The following GAREM1 variants were observed in gnomAD, a reference collection of about 807,000 sequenced individuals.
GAREM1 encodes GRB2-associated and regulator of MAPK protein 1.
Under a neutral mutation model 71.3 loss-of-function variants are expected in GAREM1, and 26 were observed. The observed-to-expected ratio is 0.36, with a 90% CI of 0.27 to 0.51. GAREM1 has a LOEUF of 0.51. Ranked by LOEUF, GAREM1 falls within the 20% of genes least tolerant of loss-of-function variation. The pLI, the probability that GAREM1 is intolerant of heterozygous loss-of-function variation, is 0.95. For missense variants in GAREM1, 1,026 were observed against 1,103.1 expected (o/e 0.93, Z 0.99); for synonymous variants, 440 against 433.2 (o/e 1.02, Z -0.20).
intron 1 of GAREM1, among the ~76,000 whole-genome samples, chr18:32,418,908 A>AT (rs1568004106): frequency 6.6e-6 from 1 of 152,236 alleles, no homozygotes; most frequent in Non-Finnish European, 1.5e-5. Context: ...AAGTTACCAC[A>AT]AACTTAGCAG....
chr18:32,268,804 A>T (rs757498606), intron 5 of GAREM1, 36 bp from the exon 6 acceptor site: 9 of 1,571,480 alleles, frequency 5.7e-6, no homozygotes, highest in Middle Eastern at 2.1e-4. Flanking sequence ...ATCAGTTAAA[A>T]GAAAAAAGCC....
intron 3 of GAREM1, among the ~76,000 whole-genome samples, chr18:32,295,206 A>G (rs940858062): frequency 6.6e-6 from 1 of 152,112 alleles, no homozygotes; most frequent in Non-Finnish European, 1.5e-5. Context: ...CTGTGATTAC[A>G]GGAGTGAGCC....
chr18:32,290,207 CCTTT>C (rs930510771), intron 3 of GAREM1: 2 of 151,806 alleles, frequency 1.3e-5, no homozygotes, highest in African/African-American at 4.8e-5. Context: ...ATCTTAGCGA[CCTTT>C]CTATTTTCCC....
chr18:32,470,345 G>A lies in GAREM1; in HGVS notation c.84C>T (p.Ser28=). Residue 28 remains serine, a synonymous_variant, in exon 1 of 6, where the codon AGC becomes AGT. Coordinates refer to ENST00000269209, the MANE Select transcript of GAREM1 (RefSeq NM_001242409.2). This position sits in a 1 kb window ranked among gnomAD's most constrained non-coding sequence, Gnocchi z 4.4. ...GCGCGATCTGGGGCAGCCGGTAAGT[G>A]CTGACCAGGAGGTCGAGCGGCACGG... ...SVAVPLDLLV[S]TYRLPQIARL... The A allele has an allele frequency of 6.4e-7, 1 of 1,568,418 alleles. No homozygotes were observed. The highest frequency in any genetic ancestry group is 8.6e-7 in the Non-Finnish European group (1 of 1,159,640).
chr18:32,375,336 A>G (rs1039232079), intron 2 of GAREM1, among the ~76,000 whole-genome samples: 4 of 152,194 alleles, frequency 2.6e-5, no homozygotes, highest in Non-Finnish European at 5.9e-5. Context: ...GCAATTCTAA[A>G]TATTGGTGAG....
intron 4 of GAREM1, among the ~76,000 whole-genome samples, chr18:32,280,740 C>T (rs77563772): frequency 0.02 from 2,987 of 152,282 alleles, 99 homozygotes; most frequent in African/African-American, 0.06. Flanking sequence ...TTAAAACCAA[C>T]TGTGTGTTTT....
intron 2 of GAREM1, among the ~76,000 whole-genome samples, chr18:32,360,036 A>G (rs1003716725): frequency 2.0e-5 from 3 of 152,048 alleles, no homozygotes; most frequent in Non-Finnish European, 2.9e-5. Flanking sequence ...TGGGACATCT[A>G]TTACTTAAAT....
At chr18:32,413,272 T>C in intron 1 of GAREM1, 2 of 1,459,462 alleles carry the variant, frequency 1.4e-6, no homozygotes, top group Non-Finnish European at 1.9e-6. Context: ...TTTGACAGTT[T>C]GGGGGAGTCA....
intron 2 of GAREM1, among the ~76,000 whole-genome samples, chr18:32,369,155 G>C (rs2047953472): frequency 6.6e-6 from 1 of 152,210 alleles, no homozygotes. Context: ...GTGAGTGAAA[G>C]GCAAAGCTAA....
At chr18:32,412,788 T>C (rs1235668525) in intron 1 of GAREM1, 1 of 1,044,260 alleles carries the variant, frequency 9.6e-7, no homozygotes, top group Non-Finnish European at 1.5e-6. Context: ...CACTTCAATT[T>C]TTCCATACTG....
chr18:32,460,098 A>G (rs933590675), intron 1 of GAREM1, among the ~76,000 whole-genome samples: 1 of 150,638 alleles, frequency 6.6e-6, no homozygotes, highest in African/African-American at 2.5e-5. Flanking sequence ...GATAATTGAG[A>G]AAACTGTCAT....
chr18:32,346,826 T>G (rs1209856266), intron 2 of GAREM1, among the ~76,000 whole-genome samples: 1 of 152,174 alleles, frequency 6.6e-6, no homozygotes, highest in Admixed American at 6.5e-5. Flanking sequence ...AAAGTAGAGT[T>G]GAACTGCAGG....
chr18:32,423,755 TAAATGAC>T (rs1211174355), intron 1 of GAREM1, among the ~76,000 whole-genome samples: 1 of 152,212 alleles, frequency 6.6e-6, no homozygotes, highest in African/African-American at 2.4e-5. Context: ...TACATTCCCT[TAAATGAC>T]AAATTATAGT....
rs576541269 is a variant in GAREM1 at position 32,283,419 on chromosome 18, T to G, written c.1566+3612A>C. ...AAAATTAGCCAGATGTGGTAGCGCA[T>G]GCCTGTAATCCCAGCTTCTCGGGAG... On this transcript the variant is annotated intron_variant, in intron 4 of 5. Transcript: ENST00000269209. 1.9e-4 allele frequency among the ~76,000 whole-genome samples: 29 copies of G among 152,144 alleles called. No individual in the cohort carries two copies. In the South Asian group the frequency reaches 5.6e-3, roughly 30 times the overall value.
intron 2 of GAREM1, among the ~76,000 whole-genome samples, chr18:32,354,249 A>T (rs2047783611): frequency 1.3e-5 from 2 of 152,240 alleles, no homozygotes; most frequent in African/African-American, 4.8e-5. Context: ...AAACATTAAT[A>T]ATAACTTAGT....
At chr18:32,439,177 G>A (rs2048710918) in intron 1 of GAREM1, among the ~76,000 whole-genome samples, 1 of 152,146 alleles carries the variant, frequency 6.6e-6, no homozygotes, top group Non-Finnish European at 1.5e-5. Context: ...AGGCTCTGAA[G>A]GCTTGCTGGG....
At chr18:32,327,657 T>C (rs2047487166) in intron 2 of GAREM1, among the ~76,000 whole-genome samples, 2 of 152,200 alleles carry the variant, frequency 1.3e-5, no homozygotes, top group African/African-American at 2.4e-5. Flanking sequence ...ATACATGAAG[T>C]TGGGTTCTTG....
At chr18:32,373,323 T>C (rs546793557) in intron 2 of GAREM1, among the ~76,000 whole-genome samples, 6 of 152,162 alleles carry the variant, frequency 3.9e-5, no homozygotes, top group Non-Finnish European at 7.4e-5. Context: ...TAAGTCCCAT[T>C]TGGGAGGAGG....
At chr18:32,271,554 T>C (rs1046263785) in intron 4 of GAREM1, among the ~76,000 whole-genome samples, 1 of 152,212 alleles carries the variant, frequency 6.6e-6, no homozygotes, top group African/African-American at 2.4e-5. Context: ...GTTTTGATTC[T>C]GTTGACCCAG....
Sources: allele counts gnomAD v4.1 joint callset (sites outside exome capture counted in the v4.1 genomes callset), GRCh38; gene constraint gnomAD v4.1.1; non-coding constraint Gnocchi (gnomAD v3.1); transcripts MANE v1.5; gene names NCBI Gene and HGNC (gene_info 2026-07-23, HGNC 2026-07-21).